Variants in KLRK1 observed in about 807,000 individuals in gnomAD.
KLRK1 encodes the protein NKG2-D type II integral membrane protein.
Under a neutral mutation model 31.3 loss-of-function variants are expected in KLRK1, and 40 were observed. That is an observed-to-expected ratio of 1.28 (90% CI 0.99 to 1.67). The LOEUF is 1.67. Ranked by LOEUF, KLRK1 falls within the 40% of genes most tolerant of loss-of-function variation. The pLI is 0.00. For synonymous variants in KLRK1, 77 were observed against 77.3 expected (o/e 1.00, Z 0.02); for missense variants, 251 against 260.0 (o/e 0.97, Z 0.24).
At chr12:10,389,051 G>A (rs1863224181) in intron 1 of KLRK1, 176 bp from the exon 2 acceptor site, 1 of 469,512 alleles carries the variant, frequency 2.1e-6, no homozygotes, top group Non-Finnish European at 3.8e-6. Context: ...ATTTCTCTTG[G>A]TTGTAAAATA....
chr12:10,378,798 C>A (rs1008563267), intron 5 of KLRK1, 93 bp from the exon 6 acceptor site: 1 of 1,381,120 alleles, frequency 7.2e-7, no homozygotes, highest in African/African-American at 1.5e-5. Context: ...CACTCCAACT[C>A]TAAAATTTCA....
chr12:10,384,975 G>C (rs558301703), intron 3 of KLRK1, among the ~76,000 whole-genome samples: 1 of 151,860 alleles, frequency 6.6e-6, no homozygotes, highest in Non-Finnish European at 1.5e-5. Context: ...AATAGCCACA[G>C]ATATATTTTT....
chr12:10,378,486 A>T, intron 6 of KLRK1, 68 bp downstream of exon 6: 4 of 1,588,450 alleles, frequency 2.5e-6, no homozygotes, highest in Non-Finnish European at 3.4e-6. Flanking sequence ...TTCTAGGTTC[A>T]TATTCCAGTG....
intron 2 of KLRK1, among the ~76,000 whole-genome samples, chr12:10,388,162 G>A (rs552290130): frequency 4.4e-4 from 67 of 152,104 alleles, no homozygotes; most frequent in African/African-American, 1.6e-3. Flanking sequence ...CATTGATTGC[G>A]CATGTAATAC....
intron 3 of KLRK1, among the ~76,000 whole-genome samples, chr12:10,380,654 TA>T (rs1863057894): frequency 6.6e-6 from 1 of 152,058 alleles, no homozygotes; most frequent in South Asian, 2.1e-4. Flanking sequence ...GGAGAAAAGG[TA>T]AACAGGAGCT....
intron 3 of KLRK1, 129 bp downstream of exon 3, chr12:10,386,774 A>T: frequency 2.2e-6 from 1 of 445,734 alleles, no homozygotes. Flanking sequence ...ATATTATATG[A>T]GAGTTCATGT....
intron 3 of KLRK1, among the ~76,000 whole-genome samples, chr12:10,384,429 C>A (rs1391434436): frequency 6.6e-6 from 1 of 151,756 alleles, no homozygotes; most frequent in African/African-American, 2.4e-5. Context: ...ACAGAATAGA[C>A]AACCCAGGAA....
At chr12:10,376,487 G>T (rs1168890724) in intron 7 of KLRK1, among the ~76,000 whole-genome samples, 1 of 151,784 alleles carries the variant, frequency 6.6e-6, no homozygotes, top group East Asian at 1.9e-4. Flanking sequence ...TTAACTGAAT[G>T]GAAACAAAAA....
At chr12:10,380,628 A>G (rs1863057466) in intron 3 of KLRK1, among the ~76,000 whole-genome samples, 1 of 152,176 alleles carries the variant, frequency 6.6e-6, no homozygotes, top group African/African-American at 2.4e-5. Context: ...TGGAGCCAAG[A>G]GGGACTCTCC....
chr12:10,375,708 C>T (rs922615248), intron 7 of KLRK1, among the ~76,000 whole-genome samples: 5 of 152,184 alleles, frequency 3.3e-5, no homozygotes, highest in African/African-American at 2.4e-5. Flanking sequence ...CATTCCTGAT[C>T]GTTGTAGCTG....
intron 2 of KLRK1, 28 bp from the exon 3 acceptor site, chr12:10,387,038 G>C: frequency 1.3e-6 from 2 of 1,573,206 alleles, no homozygotes; most frequent in Admixed American, 1.8e-5. Flanking sequence ...AGGCTTATAT[G>C]AGTCATGGCC....
intron 7 of KLRK1, among the ~76,000 whole-genome samples, chr12:10,376,590 T>A (rs372774610): frequency 1.3e-5 from 2 of 152,090 alleles, no homozygotes; most frequent in East Asian, 1.9e-4. Flanking sequence ...AATCAACATA[T>A]CAGCTTTCAA....
At chr12:10,373,931 A>C (rs1862910382) in intron 7 of KLRK1, 1 of 152,256 alleles carries the variant, frequency 6.6e-6, no homozygotes. Context: ...ATCCCTATTT[A>C]AAAAGACGAT....
intron 3 of KLRK1, among the ~76,000 whole-genome samples, chr12:10,380,919 C>T (rs976275441): frequency 2.0e-5 from 3 of 152,140 alleles, no homozygotes; most frequent in African/African-American, 7.2e-5. Context: ...CCTTTATCTT[C>T]GCATGTTTGG....
In KLRK1 at chr12:10,372,939, A is replaced by G. The variant is rs1416786729; in HGVS notation, c.*175T>C. The G allele has an allele frequency of 1.7e-6, 1 of 590,938 alleles. No homozygotes were observed. The highest frequency in any genetic ancestry group is 2.9e-6 in the Non-Finnish European group (1 of 343,416). The allele number at this position is 590,938 out of a possible 1,614,324, so 36.6% of individuals were successfully genotyped here. ...CTCTCTTCTTTTGTCTTGGAGAATC[A>G]TGCATGTTTGCAGTGAAATTGTTCT... On this transcript the variant is annotated 3_prime_UTR_variant, in exon 8 of 8. Coordinates refer to ENST00000240618, the MANE Select transcript of KLRK1 (RefSeq NM_007360.4).
intron 3 of KLRK1, among the ~76,000 whole-genome samples, chr12:10,381,316 A>C (rs1863071208): frequency 6.6e-6 from 1 of 152,322 alleles, no homozygotes; most frequent in African/African-American, 2.4e-5. Flanking sequence ...TATCCTTTAG[A>C]AATAAAGGAG....
At chr12:10,377,733 C>T (rs1294291199) in intron 7 of KLRK1, among the ~76,000 whole-genome samples, 1 of 152,096 alleles carries the variant, frequency 6.6e-6, no homozygotes, top group African/African-American at 2.4e-5. Context: ...TTCATGGGCT[C>T]ATATAGTTCT....
chr12:10,380,683 C>G (rs1453261202), intron 3 of KLRK1, among the ~76,000 whole-genome samples: 1 of 152,142 alleles, frequency 6.6e-6, no homozygotes, highest in Non-Finnish European at 1.5e-5. Context: ...AGTCCACATT[C>G]CCATTATAAA....
At chr12:10,377,050 C>G (rs11053780) in intron 7 of KLRK1, among the ~76,000 whole-genome samples, 48,245 of 151,942 alleles carry the variant, frequency 0.32, 9,401 homozygotes, top group East Asian at 0.51. Context: ...CTCATGACCT[C>G]AAGTGATCTG....
Sources: allele counts gnomAD v4.1 joint callset (sites outside exome capture counted in the v4.1 genomes callset), GRCh38; gene constraint gnomAD v4.1.1; transcripts MANE v1.5; gene names NCBI Gene and HGNC (gene_info 2026-07-23, HGNC 2026-07-21).